Variants in CTNND2 observed in about 807,000 individuals in gnomAD.
The protein encoded by CTNND2 is catenin delta-2.
CTNND2 carries 22 observed loss-of-function variants against 144.4 expected under a neutral mutation model. The ratio of observed to expected loss-of-function variants is 0.15; its 90% confidence interval spans 0.11 to 0.22. The LOEUF (loss-of-function observed/expected upper bound fraction) is 0.22. Ranked by LOEUF, CTNND2 falls within the 10% of genes least tolerant of loss-of-function variation. The probability of loss-of-function intolerance (pLI) is 1.00; values close to 1 mark genes in which losing one functional copy is unlikely to be tolerated. For synonymous variants in CTNND2, 751 were observed against 695.6 expected (o/e 1.08, Z -1.25); for missense variants, 1,353 against 1,618.8 (o/e 0.84, Z 2.82).
intron 3 of CTNND2, among the ~76,000 whole-genome samples, chr5:11,446,067 G>T: frequency 6.6e-6 from 1 of 152,166 alleles, no homozygotes; most frequent in East Asian, 1.9e-4. Context: ...CGCCTCCAGG[G>T]TTCAAGAGAT....
intron 16 of CTNND2, among the ~76,000 whole-genome samples, chr5:11,041,285 T>G (rs1195207673): frequency 6.6e-6 from 1 of 152,252 alleles, no homozygotes; most frequent in Non-Finnish European, 1.5e-5. Flanking sequence ...GTGTTCTAAC[T>G]TTTTTAAGAA....
intron 16 of CTNND2, among the ~76,000 whole-genome samples, chr5:11,076,547 T>G (rs184755277): frequency 6.6e-6 from 1 of 152,278 alleles, no homozygotes; most frequent in Non-Finnish European, 1.5e-5. Context: ...TGCAAAGAAA[T>G]GTATGGATGT....
intron 9 of CTNND2, among the ~76,000 whole-genome samples, chr5:11,293,878 T>C (rs1242167126): frequency 6.7e-6 from 1 of 149,888 alleles, no homozygotes; most frequent in East Asian, 2.0e-4. Flanking sequence ...TTGTGAGTTG[T>C]GAGTTTTACT....
chr5:11,396,981 C>T (rs1471542955), intron 6 of CTNND2, 50 bp downstream of exon 6: 4 of 1,541,622 alleles, frequency 2.6e-6, no homozygotes, highest in Non-Finnish European at 3.5e-6. Flanking sequence ...TGCCCATTCC[C>T]CACCTGTCCC....
intron 16 of CTNND2, among the ~76,000 whole-genome samples, chr5:11,033,206 C>T (rs952493727): frequency 5.3e-5 from 8 of 152,104 alleles, no homozygotes; most frequent in Admixed American, 2.6e-4. Flanking sequence ...TAAAATGTAT[C>T]CCCTGGTTCA....
intron 1 of CTNND2, among the ~76,000 whole-genome samples, chr5:11,870,013 C>T (rs546368660): frequency 2.8e-4 from 42 of 152,208 alleles, no homozygotes; most frequent in African/African-American, 8.9e-4. Context: ...TGAAACCACC[C>T]GGCAAATACT....
intron 12 of CTNND2, among the ~76,000 whole-genome samples, chr5:11,134,559 A>T (rs1376946509): frequency 6.6e-6 from 1 of 152,228 alleles, no homozygotes; most frequent in Non-Finnish European, 1.5e-5. Context: ...CACCATAGTA[A>T]TTTTCACAAA....
At chr5:11,346,334 T>G (rs1320089182) in intron 9 of CTNND2, 38 bp downstream of exon 9, 1 of 1,403,078 alleles carries the variant, frequency 7.1e-7, no homozygotes, top group African/African-American at 1.5e-5. Context: ...ACAAAACCTC[T>G]TTAGACATCA....
intron 3 of CTNND2, among the ~76,000 whole-genome samples, chr5:11,504,405 A>G (rs1254515285): frequency 6.6e-6 from 1 of 152,246 alleles, no homozygotes; most frequent in Non-Finnish European, 1.5e-5. Context: ...CTTTAAAAAA[A>G]TTGTATATGT....
intron 2 of CTNND2, among the ~76,000 whole-genome samples, chr5:11,578,392 G>A (rs991306736): frequency 1.3e-5 from 2 of 152,280 alleles, no homozygotes; most frequent in South Asian, 2.1e-4. Context: ...GCCAGGCGCA[G>A]TGGCTCATGT....
chr5:11,508,865 C>G (rs140000686), intron 3 of CTNND2, among the ~76,000 whole-genome samples: 1 of 151,376 alleles, frequency 6.6e-6, no homozygotes, highest in East Asian at 1.9e-4. Context: ...GAGCTGAGAT[C>G]GCACCACTGC....
At chr5:11,742,509 C>T (rs2074213252) in intron 1 of CTNND2, among the ~76,000 whole-genome samples, 1 of 149,978 alleles carries the variant, frequency 6.7e-6, no homozygotes, top group African/African-American at 2.5e-5. Context: ...TCAGAGAATA[C>T]CCCCCTCCCT....
chr5:11,810,969 T>C (rs1792299507), intron 1 of CTNND2, among the ~76,000 whole-genome samples: 1 of 152,130 alleles, frequency 6.6e-6, no homozygotes, highest in Admixed American at 6.6e-5. Context: ...TTTACTGTAG[T>C]TTGTGCTATG....
At chr5:11,430,464 GTTTCC>G (rs1763196631) in intron 3 of CTNND2, among the ~76,000 whole-genome samples, 2 of 146,784 alleles carry the variant, frequency 1.4e-5, no homozygotes, top group African/African-American at 5.0e-5. Context: ...TAAAAAGCAT[GTTTCC>G]TTTCCTTTGT....
At chr5:11,626,498 T>C (rs1781163563) in intron 2 of CTNND2, among the ~76,000 whole-genome samples, 1 of 152,194 alleles carries the variant, frequency 6.6e-6, no homozygotes, top group Admixed American at 6.5e-5. Context: ...TGTAAAATTA[T>C]ATTCCATCAA....
intron 12 of CTNND2, among the ~76,000 whole-genome samples, chr5:11,129,253 A>ATTATAT (rs1755278872): frequency 1.7e-5 from 1 of 59,680 alleles, no homozygotes; most frequent in African/African-American, 5.7e-5. Context: ...TATATTATAT[A>ATTATAT]AAAATATAAA....
chr5:11,553,692 A>C (rs549745934), intron 3 of CTNND2, among the ~76,000 whole-genome samples: 1 of 152,288 alleles, frequency 6.6e-6, no homozygotes, highest in Admixed American at 6.5e-5. Flanking sequence ...TATGAGTCTG[A>C]AAAAGCTCTA....
rs560831140 is a variant in CTNND2, at chr5:11,512,826, T to G, written c.287+52118A>C. Among the ~76,000 whole-genome samples, 342 of 152,296 alleles carry G rather than the reference T, an allele frequency of 2.2e-3. 2 individuals carry two copies. Among genetic ancestry groups the G allele is most frequent in the African/African-American group, 7.8e-3 (325 of 41,560 alleles). On this transcript the variant is annotated intron_variant, in intron 3 of 21. Coordinates refer to ENST00000304623, the MANE Select transcript of CTNND2 (RefSeq NM_001332.4). ...GAGACAACATGAGTGTGTGACTGCA[T>G]GGTACATTCATTACACTGGCTTTGA...
At chr5:11,680,955 C>T (rs1402607147) in intron 2 of CTNND2, among the ~76,000 whole-genome samples, 4 of 152,250 alleles carry the variant, frequency 2.6e-5, no homozygotes, top group South Asian at 2.1e-4. Flanking sequence ...CTGGACATGT[C>T]GAGCTTTAGC....
Sources: gnomAD v4.1 joint callset for allele counts (sites outside exome capture counted in the v4.1 genomes callset) on GRCh38, gnomAD v4.1.1 for gene constraint, MANE v1.5 for transcripts, NCBI Gene and HGNC (gene_info 2026-07-23, HGNC 2026-07-21) for gene names.